ADAMTS7: variants seen among roughly 807,000 people sequenced by gnomAD.
ADAMTS7 encodes A disintegrin and metalloproteinase with thrombospondin motifs 7.
A neutral mutation model predicts 172.6 loss-of-function variants in ADAMTS7; 89 were observed. The ratio of observed to expected loss-of-function variants is 0.52; its 90% CI spans 0.43 to 0.61. The LOEUF is 0.61. Ranked by LOEUF, ADAMTS7 falls within the 20% of genes least tolerant of loss-of-function variation. The pLI is 0.00. For synonymous variants in ADAMTS7, 885 were observed against 978.4 expected, an observed-to-expected ratio of 0.90 and a Z score of 1.78; for missense variants, 1,973 against 2,355.6, an observed-to-expected ratio of 0.84 and a Z score of 3.36.
Position 78,767,257 on chromosome 15 carries a change from C to T in ADAMTS7, c.2859+122G>A, listed in dbSNP as rs537062014. ...ATCCCTGAGGCTTTAGAGTCAGGGG[C>T]TGGACCCTGGAATGCCCAGGTTCCC... On this transcript the variant is annotated intron_variant, in intron 18 of 23. Transcript: ENST00000388820. 26 of 1,323,560 alleles carry T rather than the reference C, an allele frequency of 2.0e-5. No individual in the cohort carries two copies. The African/African-American group carries it at 3.6e-4, about 18-fold the overall frequency. 82.0% of individuals were successfully genotyped at this position (1,323,560 alleles called of 1,614,324 possible). A position where few individuals can be genotyped will look rare whatever the true frequency, so the allele number is the denominator to read the frequency against.
chr15:78,788,868 C>T (rs1349965376), intron 7 of ADAMTS7, among the ~76,000 whole-genome samples: 2 of 152,250 alleles, frequency 1.3e-5, no homozygotes, highest in East Asian at 1.9e-4. Context: ...TGAGCATCTA[C>T]TATGTGCCAG....
At chr15:78,810,123 A>G (rs1228418144) in intron 1 of ADAMTS7, among the ~76,000 whole-genome samples, 3 of 152,142 alleles carry the variant, frequency 2.0e-5, no homozygotes, top group African/African-American at 7.2e-5. Context: ...CCATCCCAGC[A>G]AGCAACCCTA....
chr15:78,796,455 A>T, intron 4 of ADAMTS7, 135 bp downstream of exon 4: 1 of 981,392 alleles, frequency 1.0e-6, no homozygotes, highest in Non-Finnish European at 1.5e-6. Flanking sequence ...AGGAGCTTGG[A>T]TACCCTTCTT....
At chr15:78,782,845 A>T (rs1237722291) in intron 8 of ADAMTS7, among the ~76,000 whole-genome samples, 5 of 152,062 alleles carry the variant, frequency 3.3e-5, no homozygotes, top group African/African-American at 7.3e-5. Flanking sequence ...GCCCCTCCCC[A>T]ACCCTGAGTA....
chr15:78,769,201 C>A (rs534763079), intron 16 of ADAMTS7, among the ~76,000 whole-genome samples: 3 of 152,318 alleles, frequency 2.0e-5, no homozygotes, highest in African/African-American at 7.2e-5. Context: ...TCACTGCCAA[C>A]CCTGGGGCCT....
chr15:78,789,695 C>A lies in ADAMTS7; in HGVS notation c.1172G>T (p.Gly391Val). ...PLAFTVAHEL[G>V]HSFGIQHDGS... The stretch of plus-strand genomic sequence containing the variant: ...ATGGGGGCAGGCACAGTACCTGTGC[C>A]CGAGCTCGTGGGCTACAGTGAAGGC... Residue 391 changes from glycine to valine, a missense_variant, in exon 7 of 24, where the codon GGG (glycine) becomes GTG (valine). Gly to Val is a moderately radical substitution (Grantham distance 109, BLOSUM62 -3). Coordinates refer to ENST00000388820, the MANE Select transcript of ADAMTS7 (RefSeq NM_014272.5). The A allele has an allele frequency of 6.2e-7, 1 of 1,613,740 alleles. No individual in the cohort carries two copies. The highest frequency in any genetic ancestry group is 8.5e-7 in the Non-Finnish European group (1 of 1,179,968).
chr15:78,799,290 C>G (rs1277071744), intron 2 of ADAMTS7, among the ~76,000 whole-genome samples: 1 of 136,604 alleles, frequency 7.3e-6, no homozygotes, highest in African/African-American at 2.6e-5. Context: ...ATCCCCTACT[C>G]CTCCCAAACC....
At chr15:78,770,109 G>A (rs2055222082) in intron 16 of ADAMTS7, among the ~76,000 whole-genome samples, 1 of 152,100 alleles carries the variant, frequency 6.6e-6, no homozygotes, top group South Asian at 2.1e-4. Flanking sequence ...GCTGCAGTGA[G>A]CCGAGATTGT....
Position 78,789,671 on chromosome 15 carries a change from T to C in ADAMTS7, c.1178+18A>G. 6.2e-7 allele frequency: 1 copy of C among 1,613,254 alleles called. No homozygotes were observed. Among genetic ancestry groups the C allele is most frequent in the Non-Finnish European group, 8.5e-7 (1 of 1,179,786 alleles). The stretch of plus-strand genomic sequence containing the variant: ...TGAAGCTCGGCTCTCAGTGTAGCAA[T>C]GGGGGCAGGCACAGTACCTGTGCCC... On this transcript the variant is annotated intron_variant, in intron 7 of 23. Transcript: ENST00000388820.
chr15:78,794,539 G>C (rs1338128930), intron 4 of ADAMTS7, among the ~76,000 whole-genome samples: 2 of 152,204 alleles, frequency 1.3e-5, no homozygotes, highest in African/African-American at 2.4e-5. Context: ...GAGCAGGTGA[G>C]TGTGAGAACC....
chr15:78,789,404 A>G (rs1474231529), intron 7 of ADAMTS7, among the ~76,000 whole-genome samples: 1 of 152,254 alleles, frequency 6.6e-6, no homozygotes, highest in Non-Finnish European at 1.5e-5. Context: ...AGGGACAGCC[A>G]AAGACCTACA....
Position 78,800,432 on chromosome 15 carries a change from T to C in ADAMTS7, c.216A>G (p.Val72=), listed in dbSNP as rs747542616. 1.8e-5 allele frequency: 29 copies of C among 1,610,780 alleles called. No individual in the cohort carries two copies. Among genetic ancestry groups the C allele is most frequent in the Non-Finnish European group, 2.3e-5 (27 of 1,178,922 alleles). Residue 72 remains valine, a synonymous_variant, in exon 2 of 24, where the codon GTA becomes GTG. Transcript: ENST00000388820. Reference sequence around the variant, plus strand: ...AGGCGGGCGCGTCTCGGCGCACAGATACATCCCGCTTGCGCAGTGCGCGGG... The same window carrying C: ...AGGCGGGCGCGTCTCGGCGCACAGACACATCCCGCTTGCGCAGTGCGCGGG... ...LWPRALRKRD[V]SVRRDAPAFY...
At chr15:78,777,734 C>G (rs1415482561) in intron 8 of ADAMTS7, 146 bp from the exon 9 acceptor site, 1 of 1,079,308 alleles carries the variant, frequency 9.3e-7, no homozygotes, top group Non-Finnish European at 1.3e-6. Flanking sequence ...CTCGGCTCAG[C>G]CGATCCTCCA....
Position 78,771,960 on chromosome 15 carries a change from A to G in ADAMTS7, c.2132-131T>C. The G allele has an allele frequency of 7.4e-7, 1 of 1,349,264 alleles. No homozygotes were observed. Among genetic ancestry groups the G allele is most frequent in the Non-Finnish European group, 9.9e-7 (1 of 1,006,058 alleles). 83.6% of individuals were successfully genotyped at this position (1,349,264 alleles called of 1,614,324 possible). ...AAAGCTTTAAAGTCTGAGCTCCCTAAATTGCTCGGATCTGTCATGGGTCAC... is the reference window on the plus strand; with the variant it reads ...AAAGCTTTAAAGTCTGAGCTCCCTAGATTGCTCGGATCTGTCATGGGTCAC... On this transcript the variant is annotated intron_variant, in intron 14 of 23. Transcript: ENST00000388820. This position sits in a 1 kb window ranked among gnomAD's most constrained non-coding sequence, Gnocchi z 4.9.
Position 78,791,227 on chromosome 15 carries a change from C to T in ADAMTS7, c.820-4G>A. 1 of 1,611,628 alleles carries T rather than the reference C, an allele frequency of 6.2e-7. No homozygotes were observed. Among genetic ancestry groups the T allele is most frequent in the Non-Finnish European group, 8.5e-7 (1 of 1,178,850 alleles). ...GGTCATGAAACAGGCCAGCCACCTG[C>T]CCAAGAGATGGGGGGGTCAGGTTGT... On this transcript the variant is annotated splice_polypyrimidine_tract_variant and splice_region_variant and intron_variant, in intron 4 of 23. Transcript: ENST00000388820.
intron 11 of ADAMTS7, among the ~76,000 whole-genome samples, chr15:78,775,354 C>G (rs1165520343): frequency 2.0e-5 from 3 of 152,206 alleles, no homozygotes; most frequent in Admixed American, 2.0e-4. Context: ...CGCTGGCCCC[C>G]ACCCAGCTCA....
At chr15:78,762,666 C>G in intron 22 of ADAMTS7, 101 bp from the exon 23 acceptor site, 1 of 993,256 alleles carries the variant, frequency 1.0e-6, no homozygotes, top group Non-Finnish European at 1.3e-6. Context: ...CTGTGCCTGA[C>G]TGGCCTGGCC....
chr15:78,764,074 G>A lies in ADAMTS7; in HGVS notation c.4445C>T (p.Ser1482Phe), dbSNP rs1300790352. ...CACACACTGCACGTCCCGCACTGAG[G>A]AACCTCCGCCGCAGCTGCGGGAGCA... Reference protein sequence around the residue: ...SKCSRSCGGGSSVRDVQCVDT... With the variant: ...SKCSRSCGGGFSVRDVQCVDT... Residue 1482 changes from serine to phenylalanine, a missense_variant, in exon 21 of 24, where the codon TCC becomes TTC. Coordinates refer to ENST00000388820, the MANE Select transcript of ADAMTS7 (RefSeq NM_014272.5). The A allele has an allele frequency of 6.5e-7, 1 of 1,529,434 alleles. No individual in the cohort carries two copies. Among genetic ancestry groups the A allele is most frequent in the Non-Finnish European group, 8.8e-7 (1 of 1,135,148 alleles). 94.7% of individuals were successfully genotyped at this position (1,529,434 alleles called of 1,614,324 possible).
intron 20 of ADAMTS7, 130 bp from the exon 21 acceptor site, chr15:78,764,229 C>T (rs1468218601): frequency 4.0e-5 from 53 of 1,316,572 alleles, no homozygotes; most frequent in Middle Eastern, 2.8e-4. Context: ...AGAACCCCAG[C>T]GAGAGGCCAA....
Sources: gnomAD v4.1 joint callset for allele counts (sites outside exome capture counted in the v4.1 genomes callset) on GRCh38, gnomAD v4.1.1 for gene constraint, Gnocchi (gnomAD v3.1) non-coding constraint, MANE v1.5 for transcripts, NCBI Gene and HGNC (gene_info 2026-07-23, HGNC 2026-07-21) for gene names.